Variants in HAT1 observed in about 807,000 individuals in gnomAD.
HAT1 encodes histone acetyltransferase 1.
A neutral mutation model predicts 56.6 loss-of-function variants in HAT1; 20 were observed. The ratio of observed to expected loss-of-function variants is 0.35; its 90% CI spans 0.25 to 0.51. HAT1 has a LOEUF of 0.51. HAT1 is among the 20% of genes least tolerant of loss of function. The pLI, the probability that HAT1 is intolerant of heterozygous loss-of-function variation, is 0.95. For missense variants in HAT1, 408 were observed against 504.3 expected (o/e 0.81, Z 1.83); for synonymous variants, 146 against 165.5 (o/e 0.88, Z 0.91).
chr2:171,960,831 A>G (rs1169996348), intron 4 of HAT1, among the ~76,000 whole-genome samples: 1 of 151,836 alleles, frequency 6.6e-6, no homozygotes, highest in African/African-American at 2.4e-5. Flanking sequence ...TGGTAACATA[A>G]TAAGACCCTG....
intron 9 of HAT1, among the ~76,000 whole-genome samples, chr2:171,978,474 G>A (rs1047989386): frequency 1.3e-5 from 2 of 152,078 alleles, no homozygotes; most frequent in African/African-American, 4.8e-5. Context: ...TACTGACATT[G>A]CTTAAATCCT....
intron 4 of HAT1, among the ~76,000 whole-genome samples, chr2:171,960,126 A>G (rs1687539251): frequency 6.6e-6 from 1 of 152,202 alleles, no homozygotes; most frequent in African/African-American, 2.4e-5. Context: ...GGAGGTCATA[A>G]ACAATGTGAT....
intron 10 of HAT1, chr2:171,980,871 AT>A (rs369150647): frequency 0.021 from 2,769 of 130,102 alleles, 43 homozygotes; most frequent in Non-Finnish European, 0.03. Flanking sequence ...AAAAAAAAAA[AT>A]TTAAAAAAAA....
Position 171,966,961 on chromosome 2 carries a change from T to G in HAT1, c.823+12T>G, listed in dbSNP as rs1687696023. On this transcript the variant is annotated intron_variant, in intron 8 of 10. Transcript: ENST00000264108. ...TCTTGATATTACAGGTATGTAAAAT[T>G]TGATTTGTTACTGAAAGAGCCTTTC... The G allele has an allele frequency of 8.9e-7, 1 of 1,127,496 alleles. No homozygotes were observed. The highest frequency in any genetic ancestry group is 1.3e-6 in the Non-Finnish European group (1 of 753,910). The allele number at this position is 1,127,496 out of a possible 1,614,324, so 69.8% of individuals were successfully genotyped here.
intron 4 of HAT1, among the ~76,000 whole-genome samples, chr2:171,953,885 C>G (rs1687375547): frequency 2.0e-5 from 3 of 152,172 alleles, no homozygotes; most frequent in Admixed American, 6.5e-5. Flanking sequence ...ATCCCAGCTA[C>G]TTGGGAGGCT....
chr2:171,929,981 T>C (rs1030579909), intron 2 of HAT1, among the ~76,000 whole-genome samples: 31 of 152,208 alleles, frequency 2.0e-4, no homozygotes, highest in African/African-American at 6.3e-4. Context: ...TAAGATTACA[T>C]TGAATCTAAA....
intron 3 of HAT1, among the ~76,000 whole-genome samples, chr2:171,948,241 T>C (rs138616681): frequency 3.9e-5 from 6 of 152,272 alleles, no homozygotes; most frequent in East Asian, 1.9e-4. Context: ...AAATTTAACA[T>C]TGATACAGAG....
chr2:171,982,129 A>C, intron 10 of HAT1, among the ~76,000 whole-genome samples: 1 of 152,082 alleles, frequency 6.6e-6, no homozygotes, highest in East Asian at 1.9e-4. Context: ...AGTATTTTCT[A>C]CTCTTAAAGA....
In HAT1 at chr2:171,944,894, C is replaced by T. The variant is rs562596347; in HGVS notation, c.113-1814C>T. 9.2e-5 allele frequency among the ~76,000 whole-genome samples: 14 copies of T among 152,252 alleles called. 1 individual carries two copies. The highest frequency in any genetic ancestry group is 8.3e-4 in the South Asian group (4 of 4,826). ...TTTATCTTCTTTTTTCCCCCTGAGA[C>T]GGAGTCTCGCTCGATCACCCAGGCT... is the stretch of plus-strand genomic sequence containing the variant. On this transcript the variant is annotated intron_variant, in intron 2 of 10. Transcript: ENST00000264108.
intron 4 of HAT1, among the ~76,000 whole-genome samples, chr2:171,953,657 T>TAAAAAAAAAAAAAAAAAAAAA (rs1687369481): frequency 1.5e-5 from 1 of 68,342 alleles, no homozygotes; most frequent in Non-Finnish European, 2.8e-5. Context: ...AAAAAAAAAT[T>TAAAAAAAAAAAAAAAAAAAAA]AAGGTTTGAG....
intron 10 of HAT1, chr2:171,980,720 G>A (rs1020373453): frequency 2.6e-5 from 4 of 152,022 alleles, no homozygotes; most frequent in African/African-American, 9.7e-5. Flanking sequence ...GTTGGGTGTG[G>A]TGGTGGGTAC....
chr2:171,937,289 G>T (rs1264839380), intron 2 of HAT1, among the ~76,000 whole-genome samples: 4 of 152,120 alleles, frequency 2.6e-5, no homozygotes, highest in African/African-American at 9.7e-5. Flanking sequence ...CTTCTTTCAT[G>T]CATCTTGCCT....
intron 2 of HAT1, among the ~76,000 whole-genome samples, chr2:171,936,459 A>G (rs1686875554): frequency 1.3e-5 from 2 of 152,196 alleles, no homozygotes; most frequent in African/African-American, 4.8e-5. Context: ...TTTTGGTGGT[A>G]ACTGACCTCT....
At chr2:171,925,181 T>A (rs1686554693) in intron 1 of HAT1, among the ~76,000 whole-genome samples, 1 of 150,454 alleles carries the variant, frequency 6.6e-6, no homozygotes, top group Admixed American at 6.7e-5. Flanking sequence ...CAAGAGATTC[T>A]CCTGCCTCAG....
intron 6 of HAT1, 76 bp downstream of exon 6, chr2:171,965,984 A>G: frequency 8.0e-7 from 1 of 1,247,580 alleles, no homozygotes; most frequent in South Asian, 1.3e-5. Flanking sequence ...CAGCCCAATT[A>G]TTGGGACAGT....
chr2:171,962,955 T>C (rs1267763490), intron 4 of HAT1, among the ~76,000 whole-genome samples: 1 of 152,150 alleles, frequency 6.6e-6, no homozygotes, highest in Non-Finnish European at 1.5e-5. Context: ...GCTGATTTTA[T>C]TATCTGATCA....
At position 171,951,112 on chromosome 2, in the gene HAT1, T is replaced by C. The variant is rs182653092; in HGVS notation, c.189-1769T>C. 3.6e-3 allele frequency among the ~76,000 whole-genome samples: 549 copies of C among 152,076 alleles called. 1 individual carries two copies. The highest frequency in any genetic ancestry group is 6.5e-3 in the Non-Finnish European group (438 of 67,884). On this transcript the variant is annotated intron_variant, in intron 3 of 10. Coordinates refer to ENST00000264108, the MANE Select transcript of HAT1 (RefSeq NM_003642.4). Reference sequence around the variant, plus strand: ...AGGCGTGAGCCACTGCACCAGGCCCTTATTGTGTTTTTAAGTCAACAAATG... The same window carrying C: ...AGGCGTGAGCCACTGCACCAGGCCCCTATTGTGTTTTTAAGTCAACAAATG...
rs538931426 is a variant in HAT1 at position 171,953,172 on chromosome 2, C to T, written c.309+171C>T. Among the ~76,000 whole-genome samples the T allele has an allele frequency of 1.2e-4, 18 of 152,008 alleles. No individual in the cohort carries two copies. The South Asian group carries it at 3.5e-3, about 30-fold the overall frequency. The stretch of plus-strand genomic sequence containing the variant: ...CCAGCCTGGCCAACATAGTGAGAGC[C>T]CATTTCTCAAAAAAACCACAAAAAT... On this transcript the variant is annotated intron_variant, in intron 4 of 10. Transcript: ENST00000264108.
chr2:171,979,370 C>T lies in HAT1; in HGVS notation c.1092+7C>T. 1 of 1,297,562 alleles carries T rather than the reference C, an allele frequency of 7.7e-7. No homozygotes were observed. 80.4% of individuals were successfully genotyped at this position (1,297,562 alleles called of 1,614,324 possible). On this transcript the variant is annotated splice_region_variant and intron_variant, in intron 10 of 10. Coordinates refer to ENST00000264108, the MANE Select transcript of HAT1 (RefSeq NM_003642.4). Reference sequence around the variant, plus strand: ...ACTAATTAGCCCATATAAGGTAGGACTTTCAAGAATCTTAAACACTGTATT... The same window carrying T: ...ACTAATTAGCCCATATAAGGTAGGATTTTCAAGAATCTTAAACACTGTATT...
Sources: allele counts gnomAD v4.1 joint callset (sites outside exome capture counted in the v4.1 genomes callset), GRCh38; gene constraint gnomAD v4.1.1; transcripts MANE v1.5; gene names NCBI Gene and HGNC (gene_info 2026-07-23, HGNC 2026-07-21).